Variants in DDR2 observed in about 807,000 individuals in gnomAD.
DDR2 encodes discoidin domain receptor tyrosine kinase 2, also known as discoidin domain-containing receptor 2.
DDR2 carries 27 observed loss-of-function variants against 94.9 expected under a neutral mutation model. That is an observed-to-expected ratio of 0.28 (90% CI 0.21 to 0.39). The LOEUF (loss-of-function observed/expected upper bound fraction) is 0.39. Ranked by LOEUF, DDR2 falls within the 10% of genes least tolerant of loss-of-function variation. The probability of loss-of-function intolerance (pLI) is 1.00; values close to 1 mark genes in which losing one functional copy is unlikely to be tolerated. For synonymous variants in DDR2, 382 were observed against 377.2 expected, an observed-to-expected ratio of 1.01 and a Z score of -0.15; for missense variants, 783 against 1,076.0, an observed-to-expected ratio of 0.73 and a Z score of 3.81.
At chr1:162,682,074 C>G (rs1040037578) in intron 2 of DDR2, among the ~76,000 whole-genome samples, 1 of 152,040 alleles carries the variant, frequency 6.6e-6, no homozygotes, top group African/African-American at 2.4e-5. Flanking sequence ...TTGCTTTGGA[C>G]CAGACCCAAG....
chr1:162,737,577 G>T (rs971048479), intron 3 of DDR2, among the ~76,000 whole-genome samples: 7 of 125,554 alleles, frequency 5.6e-5, no homozygotes, highest in South Asian at 3.0e-4. Flanking sequence ...ATTTGGGTTG[G>T]TTCCAAGTCT....
Position 162,755,177 on chromosome 1 carries a change from C to T in DDR2, c.439C>T (p.Pro147Ser). 1.2e-6 allele frequency: 2 copies of T among 1,614,094 alleles called. No individual in the cohort carries two copies. Among genetic ancestry groups the T allele is most frequent in the Non-Finnish European group, 1.7e-6 (2 of 1,180,012 alleles). Residue 147 changes from proline to serine, a missense_variant, in exon 6 of 18, where the codon CCC becomes TCC. By Grantham distance (74) the Pro-to-Ser change is moderately conservative. Coordinates refer to ENST00000367921, the MANE Select transcript of DDR2 (RefSeq NM_006182.4). Reference sequence around the variant, plus strand: ...TCAGGTGCTGGATGGAAATAGTAACCCCTATGACATTTTCCTAAAGGACTT... The same window carrying T: ...TCAGGTGCTGGATGGAAATAGTAACTCCTATGACATTTTCCTAAAGGACTT... ...GKQVLDGNSN[P>S]YDIFLKDLEP...
At chr1:162,688,288 C>A (rs1047906517) in intron 2 of DDR2, among the ~76,000 whole-genome samples, 2 of 152,204 alleles carry the variant, frequency 1.3e-5, no homozygotes, top group South Asian at 2.1e-4. Flanking sequence ...TCTGTACCAC[C>A]CAGTATAAGT....
intron 2 of DDR2, among the ~76,000 whole-genome samples, chr1:162,702,912 ACTCT>A (rs533579362): frequency 3.4e-5 from 5 of 148,190 alleles, no homozygotes; most frequent in Non-Finnish European, 7.5e-5. Flanking sequence ...GGTCTTTTAT[ACTCT>A]CTCTCTCTCT....
At chr1:162,731,927 C>A (rs1480573412) in intron 3 of DDR2, among the ~76,000 whole-genome samples, 1 of 152,194 alleles carries the variant, frequency 6.6e-6, no homozygotes, top group Non-Finnish European at 1.5e-5. Flanking sequence ...CACTCCTGAT[C>A]TGCATAGCTA....
chr1:162,735,489 G>A (rs1236941871), intron 3 of DDR2, among the ~76,000 whole-genome samples: 1 of 152,192 alleles, frequency 6.6e-6, no homozygotes, highest in Admixed American at 6.5e-5. Context: ...GTCAAATGGA[G>A]ACTGATAATT....
intron 3 of DDR2, among the ~76,000 whole-genome samples, chr1:162,724,463 G>A (rs186931587): frequency 2.0e-5 from 3 of 152,168 alleles, no homozygotes; most frequent in Admixed American, 1.3e-4. Flanking sequence ...GAAGCCCTGC[G>A]GGCCAACTTA....
chr1:162,655,626 T>G (rs1657917098), intron 2 of DDR2, among the ~76,000 whole-genome samples: 1 of 152,238 alleles, frequency 6.6e-6, no homozygotes, highest in African/African-American at 2.4e-5. Context: ...AGGGCAGTTT[T>G]AGAGTGTCCT....
At chr1:162,717,042 A>G (rs1661197576) in intron 2 of DDR2, among the ~76,000 whole-genome samples, 3 of 151,804 alleles carry the variant, frequency 2.0e-5, no homozygotes, top group East Asian at 1.9e-4. Flanking sequence ...TTTGTATTCT[A>G]GAACAGTTTT....
At chr1:162,746,591 G>A (rs1273794644) in intron 3 of DDR2, among the ~76,000 whole-genome samples, 6 of 152,344 alleles carry the variant, frequency 3.9e-5, no homozygotes, top group East Asian at 3.9e-4. Flanking sequence ...AGACTTAAAC[G>A]TCCCTGTCTG....
At chr1:162,774,441 C>T (rs1209828579) in intron 14 of DDR2, among the ~76,000 whole-genome samples, 1 of 152,070 alleles carries the variant, frequency 6.6e-6, no homozygotes. Flanking sequence ...TGGTGATAGA[C>T]TTCATTAAAA....
intron 9 of DDR2, among the ~76,000 whole-genome samples, chr1:162,763,347 T>TGCA (rs1226290487): frequency 9.2e-6 from 1 of 108,834 alleles, no homozygotes. Context: ...TTTTTTTTTT[T>TGCA]TTTTTTTTTT....
chr1:162,780,076 T>C (rs1385263233), intron 17 of DDR2, 36 bp from the exon 18 acceptor site: 1 of 1,613,398 alleles, frequency 6.2e-7, no homozygotes. Context: ...TCTCTCTCTC[T>C]CTCTCTTTTG....
intron 3 of DDR2, among the ~76,000 whole-genome samples, chr1:162,747,101 ACCT>A (rs1662911306): frequency 1.3e-5 from 2 of 152,198 alleles, no homozygotes; most frequent in Admixed American, 6.5e-5. Flanking sequence ...AAATCAGAGC[ACCT>A]CTTCTCCTCC....
rs1213864356 is a variant in DDR2, at chr1:162,770,506, G to A, written c.1498G>A (p.Glu500Lys). ...KLPEFAPGEE[E>K]SGCSGVVKPV... ...CCCAGAATTTGCTCCAGGGGAGGAG[G>A]AGTCAGGTGAGGATGATGTGGTGGG... The change falls in exon 12 of 18, where the codon GAG (glutamate) becomes AAG (lysine). Residue 500 changes from glutamate to lysine, a missense_variant. By Grantham distance (56) the Glu-to-Lys change is moderately conservative. Coordinates refer to ENST00000367921, the MANE Select transcript of DDR2 (RefSeq NM_006182.4). 1 of 1,614,078 alleles carries A rather than the reference G, an allele frequency of 6.2e-7. No homozygotes were observed. The highest frequency in any genetic ancestry group is 1.7e-5 in the Admixed American group (1 of 60,016).
intron 8 of DDR2, among the ~76,000 whole-genome samples, chr1:162,760,451 TATAC>T (rs1321616497): frequency 5.4e-5 from 8 of 147,820 alleles, no homozygotes; most frequent in African/African-American, 2.0e-4. Flanking sequence ...TATAACCATA[TATAC>T]ATATACAACT....
chr1:162,656,850 A>ATTTTTT (rs200776585), intron 2 of DDR2, among the ~76,000 whole-genome samples: 4 of 99,728 alleles, frequency 4.0e-5, no homozygotes, highest in Non-Finnish European at 7.5e-5. Context: ...TTTTTTTTTT[A>ATTTTTT]TTTTTTTTGT....
chr1:162,752,454 T>A (rs976480298), intron 3 of DDR2, among the ~76,000 whole-genome samples: 1 of 152,244 alleles, frequency 6.6e-6, no homozygotes, highest in African/African-American at 2.4e-5. Flanking sequence ...TCTTAAAACA[T>A]AATTTTTCAT....
At chr1:162,741,531 T>C in intron 3 of DDR2, 3 of 951,348 alleles carry the variant, frequency 3.2e-6, no homozygotes, top group Non-Finnish European at 3.8e-6. Context: ...AAAGCAAAGA[T>C]AAGCCATGGG....
Sources: gnomAD v4.1 joint callset for allele counts (sites outside exome capture counted in the v4.1 genomes callset) on GRCh38, gnomAD v4.1.1 for gene constraint, MANE v1.5 for transcripts, NCBI Gene and HGNC (gene_info 2026-07-23, HGNC 2026-07-21) for gene names.